ANKRD33B: variants seen among roughly 807,000 people sequenced by gnomAD.
The protein encoded by ANKRD33B is ankyrin repeat domain 33B, also known as ankyrin repeat domain-containing protein 33B.
A neutral mutation model predicts 21.5 loss-of-function variants in ANKRD33B; 6 were observed. The ratio of observed to expected loss-of-function variants is 0.28; its 90% CI spans 0.15 to 0.55. The LOEUF (loss-of-function observed/expected upper bound fraction) is 0.55, where lower values mean the gene tolerates loss of function less well. Ranked by LOEUF, ANKRD33B falls within the 20% of genes least tolerant of loss-of-function variation. The probability of loss-of-function intolerance (pLI) is 0.94; values close to 1 mark genes in which losing one functional copy is unlikely to be tolerated. For synonymous variants in ANKRD33B, 347 were observed against 342.4 expected (o/e 1.01, Z -0.15); for missense variants, 698 against 747.2 (o/e 0.93, Z 0.77).
At chr5:10,585,721 G>C (rs1735540320) in intron 1 of ANKRD33B, among the ~76,000 whole-genome samples, 1 of 152,212 alleles carries the variant, frequency 6.6e-6, no homozygotes, top group African/African-American at 2.4e-5. Flanking sequence ...TGTTTGATGG[G>C]TTACCATGCT....
intron 1 of ANKRD33B, among the ~76,000 whole-genome samples, chr5:10,570,903 CT>C (rs11301499): frequency 0.35 from 43,760 of 126,622 alleles, 6,814 homozygotes; most frequent in East Asian, 0.5. Flanking sequence ...CTCAAATAAC[CT>C]TTTTTTTTTT....
At chr5:10,565,179 C>T (rs1735020036) in intron 1 of ANKRD33B, among the ~76,000 whole-genome samples, 1 of 152,230 alleles carries the variant, frequency 6.6e-6, no homozygotes, top group East Asian at 1.9e-4. Flanking sequence ...GGGCTTCTTG[C>T]GGCCCGGTCC....
chr5:10,640,726 C>T (rs1737031804), intron 3 of ANKRD33B, among the ~76,000 whole-genome samples: 1 of 152,232 alleles, frequency 6.6e-6, no homozygotes, highest in African/African-American at 2.4e-5. Flanking sequence ...AAGTGGATTT[C>T]CTCTCTGTCT....
At chr5:10,642,365 G>A (rs1737080273) in intron 3 of ANKRD33B, among the ~76,000 whole-genome samples, 1 of 152,100 alleles carries the variant, frequency 6.6e-6, no homozygotes, top group Admixed American at 6.5e-5. Context: ...TCTCCACTTT[G>A]CAAGCCCATC....
rs1039092540 is a variant in ANKRD33B at position 10,564,637 on chromosome 5, C to G, written c.170C>G (p.Ser57Cys). The change falls in exon 1 of 4, where the codon TCT becomes TGT. Residue 57 changes from serine (S) to cysteine (C), a missense_variant. Ser to Cys is a moderately radical substitution (Grantham distance 112). Around this residue, in one of 3 missense-constraint regions of ANKRD33B, gnomAD observed 148 missense variants for 154.9 expected, o/e 0.96. Coordinates refer to ENST00000296657, the MANE Select transcript of ANKRD33B (RefSeq NM_001164440.2). ...ACCCGCAGCATCGCCTCGGACGACT[C>G]TTTCTACCCTTTCGAGGACGAGGAG... is the stretch of plus-strand genomic sequence containing the variant. ...PDTRSIASDD[S>C]FYPFEDEEEH... is the part of the protein sequence containing the mutation. 4.3e-5 allele frequency: 66 copies of G among 1,534,960 alleles called. No individual in the cohort carries two copies. Among genetic ancestry groups the G allele is most frequent in the Non-Finnish European group, 5.2e-5 (60 of 1,146,664 alleles).
intron 3 of ANKRD33B, among the ~76,000 whole-genome samples, chr5:10,644,043 A>G (rs1737135462): frequency 6.6e-6 from 1 of 151,436 alleles, no homozygotes; most frequent in African/African-American, 2.4e-5. Flanking sequence ...CTTCCCCAGG[A>G]TTAGTGGAGA....
Position 10,650,095 on chromosome 5 carries a change from C to G in ANKRD33B, c.1467C>G (p.Pro489=). 6.6e-7 allele frequency: 1 copy of G among 1,524,170 alleles called. No individual in the cohort carries two copies. Among genetic ancestry groups the G allele is most frequent in the Non-Finnish European group, 8.8e-7 (1 of 1,140,022 alleles). The allele number at this position is 1,524,170 out of a possible 1,614,324, so 94.4% of individuals were successfully genotyped here. A position where few individuals can be genotyped will look rare whatever the true frequency, so the allele number is the denominator to read the frequency against. The change falls in exon 4 of 4, where the codon CCC becomes CCG. Residue 489 remains proline, a synonymous_variant. Coordinates refer to ENST00000296657, the MANE Select transcript of ANKRD33B (RefSeq NM_001164440.2). Reference sequence around the variant, plus strand: ...CGCAGAAGGAGAGGCGCACTGCGCCCTGGAAGAAGAGGACGTGAGGGCCCG... The same window carrying G: ...CGCAGAAGGAGAGGCGCACTGCGCCGTGGAAGAAGAGGACGTGAGGGCCCG... ...AEAQKERRTA[P]WKKRT
At chr5:10,617,177 G>A (rs1052841250) in intron 1 of ANKRD33B, among the ~76,000 whole-genome samples, 1 of 152,142 alleles carries the variant, frequency 6.6e-6, no homozygotes, top group South Asian at 2.1e-4. Context: ...TTAACATTTG[G>A]TAATACTTAA....
intron 1 of ANKRD33B, among the ~76,000 whole-genome samples, chr5:10,598,992 G>A (rs369027749): frequency 6.2e-4 from 95 of 152,322 alleles, no homozygotes; most frequent in African/African-American, 2.2e-3. Flanking sequence ...ATACACCTGT[G>A]CAGTCATCCC....
chr5:10,592,000 AGTAT>A (rs531684043), intron 1 of ANKRD33B, among the ~76,000 whole-genome samples: 1 of 151,830 alleles, frequency 6.6e-6, no homozygotes, highest in African/African-American at 2.4e-5. Context: ...TTAGGATATA[AGTAT>A]GTATGTATGT....
chr5:10,617,361 A>G (rs919668320), intron 1 of ANKRD33B, among the ~76,000 whole-genome samples: 2 of 152,166 alleles, frequency 1.3e-5, no homozygotes, highest in Non-Finnish European at 2.9e-5. Flanking sequence ...TCTGTCCCAC[A>G]TCCTGTCGCT....
intron 1 of ANKRD33B, among the ~76,000 whole-genome samples, chr5:10,588,716 GT>G (rs1310095265): frequency 2.0e-5 from 3 of 152,204 alleles, no homozygotes; most frequent in Non-Finnish European, 2.9e-5. Context: ...TCCAGGTAGA[GT>G]TTTCTCCATC....
chr5:10,577,648 T>C (rs1735353803), intron 1 of ANKRD33B, among the ~76,000 whole-genome samples: 1 of 152,090 alleles, frequency 6.6e-6, no homozygotes, highest in Admixed American at 6.5e-5. Flanking sequence ...TATCGCTTCC[T>C]TCTAGACCTT....
rs1736780736 is a variant in ANKRD33B, at chr5:10,633,449, TAC to T, written c.497-4577_497-4576del. ...TTTTGATTTGAGAATAGTTTATGTT[TAC>T]AGAGAAACCACAAACACTGTACAGA... On this transcript the variant is annotated intron_variant, in intron 2 of 3. Coordinates refer to ENST00000296657, the MANE Select transcript of ANKRD33B (RefSeq NM_001164440.2). 2.6e-5 allele frequency among the ~76,000 whole-genome samples: 4 copies of T among 152,320 alleles called. No homozygotes were observed. The South Asian group carries it at 8.3e-4, about 32-fold the overall frequency.
rs1485244931 is a variant in ANKRD33B, at chr5:10,619,340, CAG to C, written c.496+879_496+880del. Reference sequence around the variant, plus strand: ...TTGTCGGGTTGTTGAGAATCCCACTCAGGGCCTGGAAACTGGAGGAAGTGCCC... The same window carrying C: ...TTGTCGGGTTGTTGAGAATCCCACTCGGCCTGGAAACTGGAGGAAGTGCCC... On this transcript the variant is annotated intron_variant, in intron 2 of 3. Transcript: ENST00000296657. The surrounding 1 kb of genome is among the most constrained non-coding windows in gnomAD (Gnocchi z 4.5). 3 of 985,338 alleles carry C rather than the reference CAG, an allele frequency of 3.0e-6. No individual in the cohort carries two copies. In the African/African-American group the frequency reaches 5.2e-5, roughly 17 times the overall value. 61.0% of individuals were successfully genotyped at this position (985,338 alleles called of 1,614,324 possible).
chr5:10,621,545 A>G (rs1240311037), intron 2 of ANKRD33B, among the ~76,000 whole-genome samples: 1 of 152,220 alleles, frequency 6.6e-6, no homozygotes, highest in Non-Finnish European at 1.5e-5. Context: ...AAGTGGTGAT[A>G]CTAAAGGATA....
chr5:10,580,694 G>A (rs1402896004), intron 1 of ANKRD33B, among the ~76,000 whole-genome samples: 1 of 152,074 alleles, frequency 6.6e-6, no homozygotes, highest in Non-Finnish European at 1.5e-5. Flanking sequence ...CTTTGGTGGG[G>A]TGTCGGGGGT....
intron 3 of ANKRD33B, among the ~76,000 whole-genome samples, chr5:10,648,105 A>C (rs986153677): frequency 1.3e-5 from 2 of 152,198 alleles, no homozygotes; most frequent in Non-Finnish European, 2.9e-5. Flanking sequence ...TGTGACTGCC[A>C]TTCTTTTTGC....
intron 1 of ANKRD33B, among the ~76,000 whole-genome samples, chr5:10,601,612 T>C (rs183479831): frequency 6.6e-6 from 1 of 152,320 alleles, no homozygotes; most frequent in Admixed American, 6.5e-5. Context: ...TCAGCAATCT[T>C]TGTATTTTGA....
Sources: allele counts gnomAD v4.1 joint callset (sites outside exome capture counted in the v4.1 genomes callset), GRCh38; gene constraint gnomAD v4.1.1; regional missense constraint gnomAD v4.1.1; non-coding constraint Gnocchi (gnomAD v3.1); transcripts MANE v1.5; gene names NCBI Gene and HGNC (gene_info 2026-07-23, HGNC 2026-07-21).